SLC25A42: variants seen among roughly 807,000 people sequenced by gnomAD.
The protein encoded by SLC25A42 is mitochondrial coenzyme A transporter SLC25A42.
SLC25A42 carries 19 observed loss-of-function variants against 34.7 expected under a neutral mutation model. That is an observed-to-expected ratio of 0.55 (90% CI 0.38 to 0.80). The LOEUF is 0.80. Ranked by LOEUF, SLC25A42 falls within the 30% of genes least tolerant of loss-of-function variation. SLC25A42 has a pLI of 0.00. For synonymous variants in SLC25A42, 205 were observed against 191.2 expected, an observed-to-expected ratio of 1.07 and a Z score of -0.59; for missense variants, 364 against 441.3, an observed-to-expected ratio of 0.82 and a Z score of 1.57.
chr19:19,109,239 C>T lies in SLC25A42; in HGVS notation c.649+1194C>T, dbSNP rs547054840. On this transcript the variant is annotated intron_variant, in intron 7 of 7. Transcript: ENST00000318596. The surrounding 1 kb of genome is among the most constrained non-coding windows in gnomAD (Gnocchi z 4.1). ...CAGTGGGCCTTACCTTCTTGGGGTG[C>T]CCTTTGGCTGTTGCCAGGTTTTCTG... Among the ~76,000 whole-genome samples, 2 of 152,336 alleles carry T rather than the reference C, an allele frequency of 1.3e-5. No homozygotes were observed. Among genetic ancestry groups the T allele is most frequent in the Admixed American group, 1.3e-4 (2 of 15,302 alleles).
intron 6 of SLC25A42, 33 bp from the exon 7 acceptor site, chr19:19,107,861 A>G: frequency 1.9e-6 from 3 of 1,612,796 alleles, no homozygotes; most frequent in Non-Finnish European, 2.5e-6. Context: ...GGGAGGCCTG[A>G]GTCCCACCTG....
intron 1 of SLC25A42, among the ~76,000 whole-genome samples, chr19:19,070,238 G>A (rs574201650): frequency 2.0e-5 from 3 of 149,716 alleles, no homozygotes; most frequent in Middle Eastern, 3.7e-3. Flanking sequence ...CTTGTGATCC[G>A]CCTGCCTCGG....
chr19:19,074,466 G>C (rs1224847267), intron 1 of SLC25A42, among the ~76,000 whole-genome samples: 14 of 152,126 alleles, frequency 9.2e-5, no homozygotes, highest in Admixed American at 9.2e-4. Flanking sequence ...TCCATTTCAC[G>C]GCTGCTTATA....
At position 19,102,082 on chromosome 19, in the gene SLC25A42, C is replaced by T. The variant is rs143692492; in HGVS notation, c.187+196C>T. Among the ~76,000 whole-genome samples the T allele has an allele frequency of 9.0e-4, 136 of 151,810 alleles. 1 individual carries two copies. Among genetic ancestry groups the T allele is most frequent in the African/African-American group, 3.1e-3 (129 of 41,434 alleles). On this transcript the variant is annotated intron_variant, in intron 3 of 7. Transcript: ENST00000318596. ...GGAGTGCGGTGGTGCAATCTTGGCTCACCGCAAGCTCTGCCTCCCGGGTTC... is the reference window on the plus strand; with the variant it reads ...GGAGTGCGGTGGTGCAATCTTGGCTTACCGCAAGCTCTGCCTCCCGGGTTC...
At chr19:19,085,052 T>A (rs2059700331) in intron 1 of SLC25A42, among the ~76,000 whole-genome samples, 5 of 152,042 alleles carry the variant, frequency 3.3e-5, no homozygotes, top group Admixed American at 3.3e-4. Flanking sequence ...AAGGACCCGG[T>A]TGTGGCTTTC....
At chr19:19,106,562 C>T in intron 6 of SLC25A42, 177 bp downstream of exon 6, 1 of 529,838 alleles carries the variant, frequency 1.9e-6, no homozygotes, top group Non-Finnish European at 3.4e-6. Context: ...AATTTGTTCT[C>T]TTAGCCTGGG....
intron 3 of SLC25A42, among the ~76,000 whole-genome samples, chr19:19,102,881 C>A (rs1299929741): frequency 1.3e-5 from 2 of 152,110 alleles, no homozygotes; most frequent in Non-Finnish European, 2.9e-5. Flanking sequence ...CTTTCACAGT[C>A]CTAGGGCCAG....
At chr19:19,075,087 A>C (rs912684977) in intron 1 of SLC25A42, among the ~76,000 whole-genome samples, 2 of 151,974 alleles carry the variant, frequency 1.3e-5, no homozygotes, top group African/African-American at 4.8e-5. Context: ...CAAAAGATGG[A>C]GGCTGCAGTG....
At position 19,106,926 on chromosome 19, in the gene SLC25A42, CTG is replaced by C. The variant is rs1157188139; in HGVS notation, c.497+543_497+544del. The C allele has an allele frequency of 4.7e-5, 5 of 106,646 alleles. No homozygotes were observed. The South Asian group carries it at 1.8e-3, about 39-fold the overall frequency. 6.6% of individuals were successfully genotyped at this position (106,646 alleles called of 1,614,324 possible). A position where few individuals can be genotyped will look rare whatever the true frequency, so the allele number is the denominator to read the frequency against. ...CCAGTGTGGGCAATAGAGCCAGACT[CTG>C]TCTCTCAAAAAAAAAAAAAAAAAAA... On this transcript the variant is annotated intron_variant, in intron 6 of 7. Coordinates refer to ENST00000318596, the MANE Select transcript of SLC25A42 (RefSeq NM_178526.5).
At chr19:19,101,032 C>T (rs915640653) in intron 2 of SLC25A42, among the ~76,000 whole-genome samples, 2 of 152,160 alleles carry the variant, frequency 1.3e-5, no homozygotes, top group African/African-American at 4.8e-5. Context: ...AGTCCCGTGG[C>T]CGAGTCAGCA....
intron 5 of SLC25A42, 51 bp downstream of exon 5, chr19:19,105,778 C>T (rs761680761): frequency 4.2e-6 from 6 of 1,444,298 alleles, no homozygotes; most frequent in Non-Finnish European, 5.6e-6. Flanking sequence ...ACGCCCGCCC[C>T]TCTCTCTTTC....
At position 19,106,400 on chromosome 19, in the gene SLC25A42, C is replaced by T. The variant is rs1171097456; in HGVS notation, c.497+15C>T. On this transcript the variant is annotated intron_variant, in intron 6 of 7. Coordinates refer to ENST00000318596, the MANE Select transcript of SLC25A42 (RefSeq NM_178526.5). ...CCGAAGGAAATGTGAGTCCTTACAT[C>T]GGTGATGCGCATCAGCCCCGGGGGC... 1 of 1,596,082 alleles carries T rather than the reference C, an allele frequency of 6.3e-7. No homozygotes were observed. Among genetic ancestry groups the T allele is most frequent in the South Asian group, 1.1e-5 (1 of 90,222 alleles).
At chr19:19,075,837 C>G (rs2059653067) in intron 1 of SLC25A42, among the ~76,000 whole-genome samples, 1 of 152,240 alleles carries the variant, frequency 6.6e-6, no homozygotes, top group Admixed American at 6.5e-5. Context: ...TGTGTCAACT[C>G]TGCCCTGCAG....
chr19:19,091,847 A>G (rs116797145), intron 1 of SLC25A42, among the ~76,000 whole-genome samples: 2,160 of 152,334 alleles, frequency 0.014, 46 homozygotes, highest in African/African-American at 0.047. Context: ...ACTGCACCCA[A>G]GCCTGGGCAA....
intron 2 of SLC25A42, 21 bp downstream of exon 2, chr19:19,096,226 G>C: frequency 1.2e-6 from 2 of 1,600,882 alleles, no homozygotes; most frequent in Non-Finnish European, 1.7e-6. Context: ...CGGCCTCCTG[G>C]GATGGGTGTT....
chr19:19,090,519 T>C (rs2059732656), intron 1 of SLC25A42, among the ~76,000 whole-genome samples: 2 of 152,096 alleles, frequency 1.3e-5, no homozygotes, highest in Admixed American at 1.3e-4. Flanking sequence ...TGGGCAAATC[T>C]GATTAGAGGA....
chr19:19,090,327 T>C (rs1408060323), intron 1 of SLC25A42, among the ~76,000 whole-genome samples: 2 of 152,146 alleles, frequency 1.3e-5, no homozygotes, highest in Non-Finnish European at 2.9e-5. Context: ...TTTTTCTCAC[T>C]CATCTTAGGT....
chr19:19,101,868 A>C lies in SLC25A42; in HGVS notation c.169A>C (p.Thr57Pro). The change falls in exon 3 of 8, where the codon ACC (threonine) becomes CCC (proline). Residue 57 changes from threonine to proline, a missense_variant. Coordinates refer to ENST00000318596, the MANE Select transcript of SLC25A42 (RefSeq NM_178526.5). ...AACAGCGGTAGCTCCCCTGGACCGA[A>C]CCAAAATCATCTTCCAAGGTAAGTG... ...AKTAVAPLDR[T>P]KIIFQVSSKR... 1 of 1,612,816 alleles carries C rather than the reference A, an allele frequency of 6.2e-7. No homozygotes were observed. The highest frequency in any genetic ancestry group is 8.5e-7 in the Non-Finnish European group (1 of 1,179,380).
chr19:19,088,549 GCGCAATCTCAGCTCAC>G (rs1162148183), intron 1 of SLC25A42, among the ~76,000 whole-genome samples: 1 of 151,682 alleles, frequency 6.6e-6, no homozygotes, highest in Non-Finnish European at 1.5e-5. Flanking sequence ...AAGTGCAATG[GCGCAATCTCAGCTCAC>G]CGCAACCTCC....
Sources: allele counts gnomAD v4.1 joint callset (sites outside exome capture counted in the v4.1 genomes callset), GRCh38; gene constraint gnomAD v4.1.1; non-coding constraint Gnocchi (gnomAD v3.1); transcripts MANE v1.5; gene names NCBI Gene and HGNC (gene_info 2026-07-23, HGNC 2026-07-21).